Variants in KANSL2 observed in about 807,000 individuals in gnomAD.
KANSL2 encodes NSL complex protein NSL2.
In KANSL2, 34 loss-of-function variants were observed where a neutral mutation model predicts 55.6. That is an observed-to-expected ratio of 0.61 (90% CI 0.46 to 0.81). The LOEUF (loss-of-function observed/expected upper bound fraction) is 0.81, where lower values mean the gene tolerates loss of function less well. KANSL2 is among the 40% of genes least tolerant of loss of function. KANSL2 has a pLI of 0.00. For synonymous variants in KANSL2, 209 were observed against 214.3 expected, an observed-to-expected ratio of 0.98 and a Z score of 0.22; for missense variants, 502 against 609.9, an observed-to-expected ratio of 0.82 and a Z score of 1.86.
Position 48,667,806 on chromosome 12 carries a change from C to T in KANSL2, c.877-17G>A. Reference sequence around the variant, plus strand: ...GGTATGGGCCTGAAATGGAAAAAGACAGATAAAATAGACCCACAAAAGAAC... The same window carrying T: ...GGTATGGGCCTGAAATGGAAAAAGATAGATAAAATAGACCCACAAAAGAAC... On this transcript the variant is annotated splice_polypyrimidine_tract_variant and intron_variant, in intron 6 of 9. Coordinates refer to ENST00000420613, the MANE Select transcript of KANSL2 (RefSeq NM_017822.4). 1 of 1,573,842 alleles carries T rather than the reference C, an allele frequency of 6.4e-7. No individual in the cohort carries two copies. The highest frequency in any genetic ancestry group is 1.1e-5 in the South Asian group (1 of 90,058).
At chr12:48,676,090 T>C (rs969326535) in intron 4 of KANSL2, among the ~76,000 whole-genome samples, 5 of 147,958 alleles carry the variant, frequency 3.4e-5, no homozygotes, top group African/African-American at 1.2e-4. Context: ...AAGTATTAGA[T>C]GTTGTAGACA....
Position 48,660,413 on chromosome 12 carries a change from C to T in KANSL2, c.1180G>A (p.Ala394Thr). 6.2e-7 allele frequency: 1 copy of T among 1,613,946 alleles called. No individual in the cohort carries two copies. Residue 394 changes from alanine to threonine, a missense_variant, in exon 8 of 10, where the codon GCT becomes ACT. By Grantham distance (58) the Ala-to-Thr change is moderately conservative. Transcript: ENST00000420613. ...CTCTCAGTGGGCTGAAGCTCAGCAG[C>T]ACTCAAGTACAGATCCATGGGGCCG... ...EAGPMDLYLSAAELQPTESLP... is the reference protein window; with the variant it reads ...EAGPMDLYLSTAELQPTESLP...
chr12:48,682,201 T>A lies in KANSL2; in HGVS notation c.-24A>T. 1.5e-6 allele frequency: 1 copy of A among 669,712 alleles called. No homozygotes were observed. Among genetic ancestry groups the A allele is most frequent in the Non-Finnish European group, 2.7e-6 (1 of 367,986 alleles). 41.5% of individuals were successfully genotyped at this position (669,712 alleles called of 1,614,324 possible). On this transcript the variant is annotated 5_prime_UTR_variant, in exon 1 of 10. Transcript: ENST00000420613. ...CGCCATCTTACCTCAGGAGCTGCGC[T>A]GCGCCGCACTCTGCCGCGCCGCTCG...
intron 4 of KANSL2, 72 bp downstream of exon 4, chr12:48,678,964 A>AT: frequency 9.4e-7 from 1 of 1,068,774 alleles, no homozygotes; most frequent in Non-Finnish European, 1.4e-6. Context: ...TTACTAATTT[A>AT]TTAACAGCAT....
intron 4 of KANSL2, among the ~76,000 whole-genome samples, chr12:48,678,126 C>G (rs1285500128): frequency 6.6e-6 from 1 of 152,110 alleles, no homozygotes; most frequent in Non-Finnish European, 1.5e-5. Flanking sequence ...ATTGCAAGAA[C>G]AAAAGCCCAA....
chr12:48,681,887 AGCT>A, intron 1 of KANSL2: 1 of 703,810 alleles, frequency 1.4e-6, no homozygotes, highest in South Asian at 1.5e-5. Flanking sequence ...GGACTCGCAC[AGCT>A]GCAGCACGAA....
At chr12:48,676,641 A>C (rs142786456) in intron 4 of KANSL2, among the ~76,000 whole-genome samples, 2,699 of 152,180 alleles carry the variant, frequency 0.018, 88 homozygotes, top group African/African-American at 0.062. Flanking sequence ...CTGGGTGACA[A>C]GAGTGAAACT....
At chr12:48,662,427 T>G in intron 7 of KANSL2, 1 of 948,488 alleles carries the variant, frequency 1.1e-6, no homozygotes, top group African/African-American at 1.8e-5. Context: ...TTATTGGAAT[T>G]CAAAGGACTT....
chr12:48,677,280 G>T (rs1592109375), intron 4 of KANSL2, among the ~76,000 whole-genome samples: 1 of 152,054 alleles, frequency 6.6e-6, no homozygotes. Flanking sequence ...AAATGACCTG[G>T]TATTTTGGTT....
chr12:48,681,785 G>A (rs1939931107), intron 1 of KANSL2, 144 bp from the exon 2 acceptor site: 1 of 982,004 alleles, frequency 1.0e-6, no homozygotes, highest in Non-Finnish European at 1.6e-6. Flanking sequence ...CCCTCCCCAA[G>A]TCTCCACAGG....
intron 5 of KANSL2, among the ~76,000 whole-genome samples, chr12:48,671,034 T>G (rs969155574): frequency 6.6e-6 from 1 of 152,062 alleles, no homozygotes; most frequent in Middle Eastern, 3.4e-3. Context: ...GAGGCCAAGG[T>G]AGGGGGATCA....
intron 8 of KANSL2, chr12:48,656,886 G>A: frequency 2.6e-6 from 1 of 381,672 alleles, no homozygotes; most frequent in East Asian, 6.8e-5. Flanking sequence ...AAAATATCCA[G>A]GAGGTTTGTA....
intron 8 of KANSL2, among the ~76,000 whole-genome samples, chr12:48,660,068 T>C (rs1278291448): frequency 6.6e-6 from 1 of 152,112 alleles, no homozygotes; most frequent in Non-Finnish European, 1.5e-5. Context: ...TAGATAGTGG[T>C]GGTAGTTGCG....
intron 8 of KANSL2, among the ~76,000 whole-genome samples, chr12:48,657,619 T>C (rs111279916): frequency 5.4e-5 from 8 of 148,176 alleles, no homozygotes; most frequent in Non-Finnish European, 9.1e-5. Context: ...TGTGTGTGTG[T>C]GCGTGCGTGT....
intron 7 of KANSL2, among the ~76,000 whole-genome samples, chr12:48,664,516 G>A (rs1424402723): frequency 6.7e-6 from 1 of 150,136 alleles, no homozygotes; most frequent in African/African-American, 2.5e-5. Context: ...CTGACCTCGT[G>A]ATCTGCCCGC....
chr12:48,670,649 G>A (rs1939694787), intron 5 of KANSL2, among the ~76,000 whole-genome samples: 1 of 152,180 alleles, frequency 6.6e-6, no homozygotes. Flanking sequence ...ACAGAGTCCA[G>A]AAGTTTTTCT....
chr12:48,676,285 T>C (rs1483471037), intron 4 of KANSL2, among the ~76,000 whole-genome samples: 1 of 152,122 alleles, frequency 6.6e-6, no homozygotes, highest in Non-Finnish European at 1.5e-5. Flanking sequence ...TTTAAATCTT[T>C]CGTAGAGACG....
At chr12:48,677,670 A>C (rs571982418) in intron 4 of KANSL2, among the ~76,000 whole-genome samples, 2 of 150,798 alleles carry the variant, frequency 1.3e-5, no homozygotes, top group East Asian at 3.9e-4. Flanking sequence ...AATCCCAGCT[A>C]CTTGGGAGGG....
chr12:48,673,582 AG>A (rs1393466602), intron 4 of KANSL2, among the ~76,000 whole-genome samples: 1 of 150,302 alleles, frequency 6.7e-6, no homozygotes, highest in African/African-American at 2.5e-5. Context: ...AAAAAAAAAA[AG>A]AACTTCTAAA....
Sources: allele counts gnomAD v4.1 joint callset (sites outside exome capture counted in the v4.1 genomes callset), GRCh38; gene constraint gnomAD v4.1.1; transcripts MANE v1.5; gene names NCBI Gene and HGNC (gene_info 2026-07-23, HGNC 2026-07-21).